The following CELF2 variants were observed in gnomAD, a reference collection of about 807,000 sequenced individuals.
The protein encoded by CELF2 is CUGBP Elav-like family member 2, also known as CUG triplet repeat RNA-binding protein 2.
Under a neutral mutation model 62.6 loss-of-function variants are expected in CELF2, and 8 were observed. The ratio of observed to expected loss-of-function variants is 0.13; its 90% CI spans 0.07 to 0.23. The LOEUF (loss-of-function observed/expected upper bound fraction) is 0.23, where lower values mean the gene tolerates loss of function less well. CELF2 is among the 10% of genes least tolerant of loss of function. The pLI, the probability that CELF2 is intolerant of heterozygous loss-of-function variation, is 1.00. For synonymous variants in CELF2, 258 were observed against 250.0 expected (o/e 1.03, Z -0.30); for missense variants, 333 against 671.0 (o/e 0.50, Z 5.56).
At chr10:10,880,482 G>A (rs953121007) in intron 1 of CELF2, among the ~76,000 whole-genome samples, 1 of 152,148 alleles carries the variant, frequency 6.6e-6, no homozygotes, top group Admixed American at 6.5e-5. Flanking sequence ...GTGCTAAGGA[G>A]CCTATCTCCT....
intron 1 of CELF2, among the ~76,000 whole-genome samples, chr10:11,104,904 T>G (rs1338455167): frequency 6.6e-6 from 1 of 152,178 alleles, no homozygotes; most frequent in Non-Finnish European, 1.5e-5. Flanking sequence ...CAGGCAGAGG[T>G]GACCTCTTGA....
At chr10:10,566,930 G>C in the CELF2 span, among the ~76,000 whole-genome samples, 13 of 152,056 alleles carry the variant, frequency 8.5e-5, no homozygotes, top group Non-Finnish European at 1.6e-4. Context: ...ACAAGCTATA[G>C]CCAAAGAACA....
intron 8 of CELF2, among the ~76,000 whole-genome samples, chr10:11,276,224 C>G (rs1239153482): frequency 6.6e-6 from 1 of 152,072 alleles, no homozygotes; most frequent in Non-Finnish European, 1.5e-5. Flanking sequence ...GTGTGATCGG[C>G]AGCCCCGCCG....
At chr10:11,071,781 C>T (rs889123638) in intron 1 of CELF2, 7 of 152,138 alleles carry the variant, frequency 4.6e-5, no homozygotes, top group Non-Finnish European at 8.8e-5. Context: ...CTTCACCAAC[C>T]CACTTATTAT....
chr10:11,249,348 T>C (rs1589818322), intron 4 of CELF2, 147 bp downstream of exon 4: 1 of 659,534 alleles, frequency 1.5e-6, no homozygotes, highest in South Asian at 1.8e-5. Flanking sequence ...GTGGCCTGTG[T>C]GTCTGGAGTA....
chr10:10,788,496 T>G, the CELF2 span, among the ~76,000 whole-genome samples: 1 of 134,674 alleles, frequency 7.4e-6, no homozygotes, highest in East Asian at 2.5e-4. Context: ...GGAGTCTCGC[T>G]CTGTCACCCA....
At chr10:11,121,542 G>T (rs2057738536) in intron 1 of CELF2, among the ~76,000 whole-genome samples, 1 of 152,056 alleles carries the variant, frequency 6.6e-6, no homozygotes, top group Non-Finnish European at 1.5e-5. Flanking sequence ...TGTTGTGCTG[G>T]GGATACAGTG....
intron 1 of CELF2, among the ~76,000 whole-genome samples, chr10:10,903,759 C>T (rs986883646): frequency 6.6e-6 from 1 of 152,204 alleles, no homozygotes; most frequent in African/African-American, 2.4e-5. Context: ...GTCAGGGATA[C>T]TGGAGTACAG....
chr10:10,779,386 G>T, the CELF2 span, among the ~76,000 whole-genome samples: 1 of 152,176 alleles, frequency 6.6e-6, no homozygotes, highest in Non-Finnish European at 1.5e-5. Context: ...CCTTACTCAA[G>T]CCAGGGCCGG....
chr10:10,939,277 G>GTGTTGTTGTTGTTGTTGT lies in CELF2; in HGVS notation c.89+19290_89+19307dup, dbSNP rs77431498. On this transcript the variant is annotated intron_variant, in intron 2 of 13. Coordinates refer to the CELF2 transcript ENST00000636488. The stretch of plus-strand genomic sequence containing the variant: ...AATTAGCAAGTTCTTTTGTTTTGTG[G>GTGTTGTTGTTGTTGTTGT]TGTTGTTGTTGTTGTTGTTGTTGTT... Among the ~76,000 whole-genome samples, 160 of 144,314 alleles carry GTGTTGTTGTTGTTGTTGT rather than the reference G, an allele frequency of 1.1e-3. 1 individual carries two copies. Among genetic ancestry groups the GTGTTGTTGTTGTTGTTGT allele is most frequent in the African/African-American group, 3.9e-3 (146 of 37,548 alleles). 94.7% of individuals were successfully genotyped at this position (144,314 alleles called of 152,430 possible).
chr10:11,285,213 C>A lies in CELF2; in HGVS notation c.842-3205C>A, dbSNP rs1301500555. On this transcript the variant is annotated intron_variant, in intron 8 of 12. Transcript: ENST00000633077. This position sits in a 1 kb window ranked among gnomAD's most constrained non-coding sequence, Gnocchi z 4.3. ...CCTCCTTGATTGGTTCTGACTAACT[C>A]TTCTTCTCTCCTTTTGTCCTCACAT... Among the ~76,000 whole-genome samples, 1 of 152,010 alleles carries A rather than the reference C, an allele frequency of 6.6e-6. No individual in the cohort carries two copies. Among genetic ancestry groups the A allele is most frequent in the South Asian group, 2.1e-4 (1 of 4,822 alleles).
In CELF2 at chr10:10,972,727, C is replaced by T. The variant is rs967566743; in HGVS notation, c.89+52728C>T. On this transcript the variant is annotated intron_variant, in intron 2 of 13. Transcript: ENST00000636488. This position sits in a 1 kb window ranked among gnomAD's most constrained non-coding sequence, Gnocchi z 4.4. Reference sequence around the variant, plus strand: ...CTGGGGCACTTCAAACTCAACGAGCCTCCAACTCACAAGGTCACGTCCACT... The same window carrying T: ...CTGGGGCACTTCAAACTCAACGAGCTTCCAACTCACAAGGTCACGTCCACT... Among the ~76,000 whole-genome samples, 4 of 152,200 alleles carry T rather than the reference C, an allele frequency of 2.6e-5. No homozygotes were observed. The highest frequency in any genetic ancestry group is 1.3e-4 in the Admixed American group (2 of 15,284).
At chr10:11,150,234 C>G (rs1007272536) in intron 1 of CELF2, among the ~76,000 whole-genome samples, 1 of 152,130 alleles carries the variant, frequency 6.6e-6, no homozygotes, top group South Asian at 2.1e-4. Flanking sequence ...AAATGTAGAG[C>G]TGAAGGCAAG....
chr10:10,495,675 A>G, the CELF2 span, among the ~76,000 whole-genome samples: 2 of 152,182 alleles, frequency 1.3e-5, no homozygotes, highest in Non-Finnish European at 2.9e-5. Context: ...GCTGCCATCC[A>G]TCAGTACTGC....
At chr10:10,693,910 T>G in the CELF2 span, among the ~76,000 whole-genome samples, 4 of 152,048 alleles carry the variant, frequency 2.6e-5, no homozygotes, top group Non-Finnish European at 4.4e-5. Flanking sequence ...CTTTTTTTCT[T>G]TATTAGTCTT....
chr10:11,053,661 C>T (rs2064459096), intron 1 of CELF2, among the ~76,000 whole-genome samples: 2 of 142,196 alleles, frequency 1.4e-5, no homozygotes, highest in Non-Finnish European at 3.0e-5. Context: ...GTTGCCCAGG[C>T]TGGAGTGCAG....
At chr10:10,651,235 C>T in the CELF2 span, among the ~76,000 whole-genome samples, 330 of 130,992 alleles carry the variant, frequency 2.5e-3, 6 homozygotes, top group African/African-American at 8.9e-3. Context: ...CACAGAATCT[C>T]GCTGATTGCT....
At chr10:10,737,540 C>G in the CELF2 span, among the ~76,000 whole-genome samples, 1 of 152,056 alleles carries the variant, frequency 6.6e-6, no homozygotes, top group Non-Finnish European at 1.5e-5. Flanking sequence ...ATGGACAGCA[C>G]GCAAGATGGA....
intron 1 of CELF2, among the ~76,000 whole-genome samples, chr10:11,151,554 G>A (rs1002298006): frequency 3.9e-5 from 6 of 152,184 alleles, no homozygotes; most frequent in African/African-American, 1.4e-4. Flanking sequence ...TCCTGGAGAT[G>A]TATCAGTACC....
Sources: gnomAD v4.1 joint callset for allele counts (sites outside exome capture counted in the v4.1 genomes callset) on GRCh38, gnomAD v4.1.1 for gene constraint, Gnocchi (gnomAD v3.1) non-coding constraint, MANE v1.5 for transcripts, NCBI Gene and HGNC (gene_info 2026-07-23, HGNC 2026-07-21) for gene names.